The following FAT3 variants were observed in gnomAD, a reference collection of about 807,000 sequenced individuals.
FAT3 encodes protocadherin Fat 3.
Under a neutral mutation model 310.2 loss-of-function variants are expected in FAT3, and 95 were observed. The observed-to-expected ratio is 0.31, with a 90% CI of 0.26 to 0.36. The LOEUF (loss-of-function observed/expected upper bound fraction) is 0.36. Ranked by LOEUF, FAT3 falls within the 10% of genes least tolerant of loss-of-function variation. FAT3 has a pLI of 1.00. For synonymous variants in FAT3, 2,314 were observed against 2,192.9 expected, an observed-to-expected ratio of 1.06 and a Z score of -1.54; for missense variants, 5,408 against 5,715.6, an observed-to-expected ratio of 0.95 and a Z score of 1.74.
chr11:92,494,161 T>G (rs1284868501), intron 2 of FAT3, among the ~76,000 whole-genome samples: 1 of 151,824 alleles, frequency 6.6e-6, no homozygotes, highest in Non-Finnish European at 1.5e-5. Context: ...CCATTAGATC[T>G]CATTGAGAAC....
At chr11:92,252,005 C>A (rs1382386496) in intron 1 of FAT3, among the ~76,000 whole-genome samples, 2 of 152,074 alleles carry the variant, frequency 1.3e-5, no homozygotes, top group African/African-American at 2.4e-5. Flanking sequence ...TCTACACAAG[C>A]CAACTTTTGG....
At chr11:92,520,659 A>G (rs1953651469) in intron 2 of FAT3, among the ~76,000 whole-genome samples, 1 of 152,086 alleles carries the variant, frequency 6.6e-6, no homozygotes, top group African/African-American at 2.4e-5. Flanking sequence ...ATCATTAGCT[A>G]TAAGAGGATA....
Position 92,353,194 on chromosome 11 carries a change from C to T in FAT3, c.1082C>T (p.Ala361Val). 6.2e-7 allele frequency: 1 copy of T among 1,613,768 alleles called. No individual in the cohort carries two copies. The highest frequency in any genetic ancestry group is 8.5e-7 in the Non-Finnish European group (1 of 1,179,866). The change falls in exon 2 of 28, where the codon GCA becomes GTA. Residue 361 changes from alanine (A) to valine (V), a missense_variant. Coordinates refer to ENST00000525166, the MANE Select transcript of FAT3 (RefSeq NM_001367949.2). ...CCTCAAAAATGTTCAGCATTAAAGG[C>T]AGTCTACATTGGCAACCCCACAAGA... ...GSPQKCSALK[A>V]VYIGNPTRDT...
At chr11:92,746,496 G>A (rs1945676256) in intron 4 of FAT3, among the ~76,000 whole-genome samples, 1 of 152,104 alleles carries the variant, frequency 6.6e-6, no homozygotes, top group African/African-American at 2.4e-5. Flanking sequence ...ATTTGGGTGG[G>A]GATATGGCCA....
intron 1 of FAT3, among the ~76,000 whole-genome samples, chr11:92,316,942 A>G (rs1049544509): frequency 1.3e-5 from 2 of 152,194 alleles, no homozygotes; most frequent in African/African-American, 4.8e-5. Flanking sequence ...AGGAATAACC[A>G]ATCATGGAAC....
intron 3 of FAT3, among the ~76,000 whole-genome samples, chr11:92,555,618 T>C (rs1229191069): frequency 6.6e-6 from 1 of 152,196 alleles, no homozygotes; most frequent in Non-Finnish European, 1.5e-5. Context: ...TGCTCTCTTA[T>C]CACTGCCCCT....
chr11:92,309,415 CACA>C (rs1947234665), intron 1 of FAT3, among the ~76,000 whole-genome samples: 1 of 141,272 alleles, frequency 7.1e-6, no homozygotes. Context: ...CACACACACA[CACA>C]CTTTTCTCCT....
chr11:92,339,773 A>C (rs1469977671), intron 1 of FAT3, among the ~76,000 whole-genome samples: 1 of 152,072 alleles, frequency 6.6e-6, no homozygotes, highest in Non-Finnish European at 1.5e-5. Flanking sequence ...GGATCAAAAA[A>C]AGGCCAGTGT....
intron 3 of FAT3, among the ~76,000 whole-genome samples, chr11:92,653,561 A>T (rs777419285): frequency 1.3e-5 from 2 of 152,200 alleles, no homozygotes; most frequent in Non-Finnish European, 2.9e-5. Flanking sequence ...ACTAAAATAT[A>T]AATATTCTGG....
chr11:92,743,033 A>C (rs1446038111), intron 4 of FAT3, among the ~76,000 whole-genome samples: 1 of 152,192 alleles, frequency 6.6e-6, no homozygotes, highest in African/African-American at 2.4e-5. Context: ...GTAATTAAGC[A>C]CTTCTTAAAG....
intron 3 of FAT3, among the ~76,000 whole-genome samples, chr11:92,621,520 A>C (rs545827394): frequency 1.3e-5 from 2 of 152,322 alleles, no homozygotes; most frequent in South Asian, 4.1e-4. Context: ...CCCCACAAAG[A>C]TGCTTGGCAT....
At chr11:92,813,380 C>T (rs946096700) in intron 13 of FAT3, among the ~76,000 whole-genome samples, 5 of 152,118 alleles carry the variant, frequency 3.3e-5, no homozygotes, top group African/African-American at 7.2e-5. Context: ...TAACATCTTG[C>T]TTAACTATAG....
At chr11:92,348,813 A>G (rs1054700586) in intron 1 of FAT3, among the ~76,000 whole-genome samples, 1 of 152,092 alleles carries the variant, frequency 6.6e-6, no homozygotes, top group African/African-American at 2.4e-5. Context: ...TAATTTCTTG[A>G]TTCAGTTTCC....
At chr11:92,514,607 A>G (rs1314354934) in intron 2 of FAT3, among the ~76,000 whole-genome samples, 1 of 152,150 alleles carries the variant, frequency 6.6e-6, no homozygotes, top group Non-Finnish European at 1.5e-5. Context: ...GGTGTTCTTA[A>G]TCACTCATTT....
chr11:92,858,140 A>G (rs1949029773), intron 20 of FAT3, among the ~76,000 whole-genome samples: 1 of 152,244 alleles, frequency 6.6e-6, no homozygotes, highest in South Asian at 2.1e-4. Context: ...CTTTGCAAGC[A>G]TTGAGTTCTA....
rs758444854 is a variant in FAT3 at position 92,800,898 on chromosome 11, G to A, written c.7885G>A (p.Asp2629Asn). 13 of 1,613,014 alleles carry A rather than the reference G, an allele frequency of 8.1e-6. No homozygotes were observed. In the East Asian group the frequency reaches 1.1e-4, roughly 14 times the overall value. The stretch of plus-strand genomic sequence containing the variant: ...TCAAGTTCAAGCCATAGATCCCGAT[G>A]ATGGAGCAAATTCAAGGATTACTTA... Reference protein sequence around the residue: ...VTQVQAIDPDDGANSRITYSL... With the variant: ...VTQVQAIDPDNGANSRITYSL... The change falls in exon 10 of 28, where the codon GAT becomes AAT. Residue 2629 changes from aspartate (D) to asparagine (N), a missense_variant. Coordinates refer to ENST00000525166, the MANE Select transcript of FAT3 (RefSeq NM_001367949.2).
At chr11:92,821,611 T>C (rs1380196358) in intron 13 of FAT3, among the ~76,000 whole-genome samples, 2 of 152,214 alleles carry the variant, frequency 1.3e-5, no homozygotes, top group Admixed American at 6.5e-5. Context: ...TTGTCTGTTG[T>C]AGATATCAAA....
intron 1 of FAT3, among the ~76,000 whole-genome samples, chr11:92,325,619 G>A (rs939610520): frequency 6.6e-6 from 1 of 152,120 alleles, no homozygotes; most frequent in African/African-American, 2.4e-5. Flanking sequence ...AGCAGCTTGA[G>A]TGACATAGAT....
intron 3 of FAT3, among the ~76,000 whole-genome samples, chr11:92,658,816 C>G (rs1347904314): frequency 1.3e-5 from 2 of 152,076 alleles, no homozygotes; most frequent in Non-Finnish European, 2.9e-5. Flanking sequence ...TCAGCATGCC[C>G]CATCAGCTCA....
Sources: allele counts gnomAD v4.1 joint callset (sites outside exome capture counted in the v4.1 genomes callset), GRCh38; gene constraint gnomAD v4.1.1; transcripts MANE v1.5; gene names NCBI Gene and HGNC (gene_info 2026-07-23, HGNC 2026-07-21).